ATG16L2: variants seen among roughly 807,000 people sequenced by gnomAD.
ATG16L2 encodes protein Atg16l2.
A neutral mutation model predicts 84.7 loss-of-function variants in ATG16L2; 77 were observed. That is an observed-to-expected ratio of 0.91 (90% CI 0.76 to 1.10). The LOEUF (loss-of-function observed/expected upper bound fraction) is 1.10. Ranked by LOEUF, ATG16L2 falls within the 50% of genes least tolerant of loss-of-function variation. The pLI is 0.00. For missense variants in ATG16L2, 782 were observed against 817.6 expected (o/e 0.96, Z 0.53); for synonymous variants, 361 against 342.8 (o/e 1.05, Z -0.59).
chr11:72,815,632 TCTTA>T (rs921963220), intron 1 of ATG16L2, among the ~76,000 whole-genome samples: 6 of 152,258 alleles, frequency 3.9e-5, no homozygotes, highest in Non-Finnish European at 7.4e-5. Context: ...GCCTCAGTCT[TCTTA>T]CTTGTTAATT....
At chr11:72,839,353 T>G (rs1313384738) in intron 5 of ATG16L2, among the ~76,000 whole-genome samples, 1 of 151,102 alleles carries the variant, frequency 6.6e-6, no homozygotes, top group African/African-American at 2.4e-5. Flanking sequence ...AAAAGAGGAG[T>G]TTTTGGTGGA....
At chr11:72,842,474 C>T (rs1860990426) in intron 5 of ATG16L2, 3 of 872,060 alleles carry the variant, frequency 3.4e-6, no homozygotes, top group Non-Finnish European at 3.4e-6. Context: ...TCTCTGGTTT[C>T]CCAAATGCAG....
intron 3 of ATG16L2, chr11:72,821,258 GGGAACATCA>G: frequency 9.8e-7 from 1 of 1,017,270 alleles, no homozygotes; most frequent in Non-Finnish European, 1.2e-6. Flanking sequence ...GTAGCCTGCT[GGGAACATCA>G]TGGCGCCCGA....
chr11:72,816,717 G>T lies in ATG16L2; in HGVS notation c.119-11G>T. The T allele has an allele frequency of 6.2e-7, 1 of 1,611,162 alleles. No individual in the cohort carries two copies. Among genetic ancestry groups the T allele is most frequent in the Non-Finnish European group, 8.5e-7 (1 of 1,177,310 alleles). On this transcript the variant is annotated splice_polypyrimidine_tract_variant and intron_variant, in intron 1 of 17. Transcript: ENST00000321297. ...GTCTCTGCCCCAGGCTCACTCTCTT[G>T]CACTCTCCAGATAACCATCTCTTAG...
At position 72,822,042 on chromosome 11, in the gene ATG16L2, A is replaced by G; in HGVS notation, c.393-2A>G. 6.7e-7 allele frequency: 1 copy of G among 1,495,048 alleles called. No individual in the cohort carries two copies. 92.6% of individuals were successfully genotyped at this position (1,495,048 alleles called of 1,614,324 possible). ...CCGCTATCCGCTCTTTCCGTCCTCC[A>G]GGCTGGCAGCCCTGGAGGCCCGCGT... On this transcript the variant is annotated splice_acceptor_variant, in intron 4 of 17. Coordinates refer to ENST00000321297, the MANE Select transcript of ATG16L2 (RefSeq NM_033388.2). LOFTEE classifies it high-confidence loss of function. The surrounding 1 kb of genome is among the most constrained non-coding windows in gnomAD (Gnocchi z 4.2).
chr11:72,825,251 CAG>C lies in ATG16L2; in HGVS notation c.997-47_997-46del, dbSNP rs1244896045. 2.0e-6 allele frequency: 3 copies of C among 1,470,646 alleles called. No homozygotes were observed. In the African/African-American group the frequency reaches 4.2e-5, roughly 20 times the overall value. 91.1% of individuals were successfully genotyped at this position (1,470,646 alleles called of 1,614,324 possible). ...CGGTAAGAGGGCCCGTGAGCACTCA[CAG>C]AGACATGCGCGGGGAGGGCCGGGGC... On this transcript the variant is annotated intron_variant, in intron 9 of 17. Transcript: ENST00000321297.
intron 7 of ATG16L2, 141 bp from the exon 8 acceptor site, chr11:72,823,919 G>C: frequency 1.1e-6 from 1 of 943,012 alleles, no homozygotes; most frequent in East Asian, 2.4e-5. Flanking sequence ...CTGGTCTCCT[G>C]ATCTTGGAGA....
intron 5 of ATG16L2, among the ~76,000 whole-genome samples, chr11:72,839,936 C>T (rs902927115): frequency 1.3e-5 from 2 of 152,130 alleles, no homozygotes; most frequent in Non-Finnish European, 2.9e-5. Flanking sequence ...AGACAGGTGG[C>T]GGCAAGGCTG....
chr11:72,821,627 G>A lies in ATG16L2; in HGVS notation c.319-41G>A, dbSNP rs767993795. ...CGGCCCCGGAGGGACTGGAGGCCTG[G>A]AGGGGCCTCAGCGCCGCCGTGCCCA... On this transcript the variant is annotated intron_variant, in intron 3 of 17. Transcript: ENST00000321297. The A allele has an allele frequency of 1.2e-4, 182 of 1,519,598 alleles. 4 individuals are homozygous for A. In the South Asian group the frequency reaches 2.1e-3, roughly 17 times the overall value. The allele number at this position is 1,519,598 out of a possible 1,614,324, so 94.1% of individuals were successfully genotyped here.
intron 3 of ATG16L2, among the ~76,000 whole-genome samples, chr11:72,820,991 G>T (rs1357941840): frequency 1.3e-5 from 2 of 152,222 alleles, no homozygotes; most frequent in African/African-American, 4.8e-5. Flanking sequence ...TCTGCGCAGG[G>T]CCTCTCGCTG....
chr11:72,838,859 G>C lies in ATG16L2; in HGVS notation c.*22-3758G>C, dbSNP rs760772829. On this transcript the variant is annotated intron_variant, in intron 5 of 5. Coordinates refer to the ATG16L2 transcript ENST00000534905. ...CTTCGGTGATTCTGTGTAGGTGGAG[G>C]GGGAGCTGCCCGGACCTGAGCAGGA... is the stretch of plus-strand genomic sequence containing the variant. 38 of 1,607,414 alleles carry C rather than the reference G, an allele frequency of 2.4e-5. No homozygotes were observed. Among genetic ancestry groups the C allele is most frequent in the Non-Finnish European group, 3.1e-5 (36 of 1,177,880 alleles).
chr11:72,822,499 C>G lies in ATG16L2; in HGVS notation c.666C>G (p.Ser222=). 6.2e-7 allele frequency: 1 copy of G among 1,613,140 alleles called. No individual in the cohort carries two copies. ...CAAGGGCCAAGCAGGCGCGGGTGTC[C>G]CAGGAGCTGAAGAAGGCTGCCAAGC... ...RRERAKQARV[S]QELKKAAKRT... The change falls in exon 6 of 18, where the codon TCC becomes TCG. Residue 222 remains serine, a synonymous_variant. Transcript: ENST00000321297. This position sits in a 1 kb window ranked among gnomAD's most constrained non-coding sequence, Gnocchi z 4.2.
chr11:72,830,659 C>T (rs574865007), downstream of ATG16L2, among the ~76,000 whole-genome samples: 2 of 152,342 alleles, frequency 1.3e-5, no homozygotes, highest in South Asian at 2.1e-4. Context: ...TCTAGGGTGT[C>T]GTGTTCACAA....
At position 72,821,318 on chromosome 11, in the gene ATG16L2, T is replaced by A. The variant is rs1041402881; in HGVS notation, c.319-350T>A. 3 of 1,073,366 alleles carry A rather than the reference T, an allele frequency of 2.8e-6. No individual in the cohort carries two copies. The African/African-American group carries it at 5.1e-5, about 18-fold the overall frequency. The allele number at this position is 1,073,366 out of a possible 1,614,324, so 66.5% of individuals were successfully genotyped here. A position where few individuals can be genotyped will look rare whatever the true frequency, so the allele number is the denominator to read the frequency against. ...TTGGCAGCCTCTGCGCGAGGAGTCCTCGCAGTGGTTATGCATGGTGCTGGG... is the reference window on the plus strand; with the variant it reads ...TTGGCAGCCTCTGCGCGAGGAGTCCACGCAGTGGTTATGCATGGTGCTGGG... On this transcript the variant is annotated intron_variant, in intron 3 of 17. Coordinates refer to ENST00000321297, the MANE Select transcript of ATG16L2 (RefSeq NM_033388.2).
chr11:72,814,441 C>T lies in ATG16L2; in HGVS notation c.-5C>T. Reference sequence around the variant, plus strand: ...GAACGCGCCGCTAGGCGGGAGAGCGCGGCCATGGCGGGGCCGGGCGTCCCC... The same window carrying T: ...GAACGCGCCGCTAGGCGGGAGAGCGTGGCCATGGCGGGGCCGGGCGTCCCC... On this transcript the variant is annotated 5_prime_UTR_variant, in exon 1 of 18. Transcript: ENST00000321297. 1.4e-6 allele frequency: 2 copies of T among 1,479,450 alleles called. No individual in the cohort carries two copies. Among genetic ancestry groups the T allele is most frequent in the South Asian group, 2.6e-5 (2 of 78,294 alleles). 91.6% of individuals were successfully genotyped at this position (1,479,450 alleles called of 1,614,324 possible).
In ATG16L2 at chr11:72,821,737, A is replaced by AGT; in HGVS notation, c.389_390insTG (p.Arg131AlafsTer96). On this transcript the variant is annotated frameshift_variant, in exon 4 of 18. Transcript: ENST00000321297. LOFTEE classifies it high-confidence loss of function. ...GGAGTCGGAGCTGCAGCAGAGGCAA[A>AGT]GCAGGTGAGGCGCGGGCGGGGGCGG... The AGT allele has an allele frequency of 1.3e-6, 2 of 1,534,186 alleles. No individual in the cohort carries two copies. The highest frequency in any genetic ancestry group is 1.7e-6 in the Non-Finnish European group (2 of 1,144,038).
At chr11:72,837,158 CT>C (rs921069159) in intron 5 of ATG16L2, 1 of 151,938 alleles carries the variant, frequency 6.6e-6, no homozygotes, top group African/African-American at 2.4e-5. Context: ...CTTTTAATTT[CT>C]TTTTTAAACT....
At chr11:72,831,573 C>T (rs1860607461), downstream of ATG16L2, among the ~76,000 whole-genome samples, 1 of 152,212 alleles carries the variant, frequency 6.6e-6, no homozygotes, top group African/African-American at 2.4e-5. Flanking sequence ...TGGGCTCCAA[C>T]ATTCTTCGAT....
At chr11:72,836,468 A>T (rs1433228760) in intron 5 of ATG16L2, among the ~76,000 whole-genome samples, 2 of 152,030 alleles carry the variant, frequency 1.3e-5, no homozygotes, top group African/African-American at 2.4e-5. Context: ...CCCTTCTAGC[A>T]CATGTCCCAC....
Sources: allele counts gnomAD v4.1 joint callset (sites outside exome capture counted in the v4.1 genomes callset), GRCh38; gene constraint gnomAD v4.1.1; non-coding constraint Gnocchi (gnomAD v3.1); transcripts MANE v1.5; gene names NCBI Gene and HGNC (gene_info 2026-07-23, HGNC 2026-07-21).